CSMD2: variants seen among roughly 807,000 people sequenced by gnomAD.
CSMD2 encodes CUB and sushi domain-containing protein 2.
A neutral mutation model predicts 398.5 loss-of-function variants in CSMD2; 130 were observed. The ratio of observed to expected loss-of-function variants is 0.33; its 90% CI spans 0.28 to 0.38. CSMD2 has a LOEUF of 0.38. CSMD2 is among the 10% of genes least tolerant of loss of function. CSMD2 has a pLI of 1.00. For synonymous variants in CSMD2, 1,828 were observed against 1,908.5 expected (o/e 0.96, Z 1.10); for missense variants, 3,829 against 4,764.9 (o/e 0.80, Z 5.78).
At chr1:33,541,004 A>T in intron 59 of CSMD2, 126 bp downstream of exon 59, 1 of 990,202 alleles carries the variant, frequency 1.0e-6, no homozygotes, top group East Asian at 2.4e-5. Context: ...CTCACCTTGC[A>T]CATCCCCTGA....
At position 33,656,616 on chromosome 1, in the gene CSMD2, G is replaced by A. The variant is rs1643954473; in HGVS notation, c.4447+1330C>T. Among the ~76,000 whole-genome samples, 14 of 152,330 alleles carry A rather than the reference G, an allele frequency of 9.2e-5. No individual in the cohort carries two copies. In the South Asian group the frequency reaches 2.9e-3, roughly 32 times the overall value. ...CAGGCCAGGGCAGACGCTCCTGCAG[G>A]AGCTGTCTCAGGAAGCCCCTTACAC... On this transcript the variant is annotated intron_variant, in intron 27 of 70. Transcript: ENST00000373381.
At chr1:33,695,854 A>T (rs746459007) in intron 24 of CSMD2, among the ~76,000 whole-genome samples, 117 of 152,208 alleles carry the variant, frequency 7.7e-4, no homozygotes, top group Admixed American at 3.1e-3. Context: ...CTGAATAAAC[A>T]TCCTCGCTGT....
chr1:34,165,248 G>C, upstream of CSMD2: 1 of 1,181,466 alleles, frequency 8.5e-7, no homozygotes, highest in Non-Finnish European at 1.0e-6. Flanking sequence ...GTGTCCGCCC[G>C]GCCGGGGAGA....
At chr1:34,052,959 G>A (rs1346632594) in intron 2 of CSMD2, among the ~76,000 whole-genome samples, 1 of 152,124 alleles carries the variant, frequency 6.6e-6, no homozygotes, top group Non-Finnish European at 1.5e-5. Context: ...GAAACTGGGG[G>A]ACAAAGAGCA....
chr1:33,572,758 C>T, intron 49 of CSMD2, 67 bp from the exon 50 acceptor site: 10 of 1,315,754 alleles, frequency 7.6e-6, no homozygotes, highest in Non-Finnish European at 1.0e-5. Context: ...CTATTTTTAT[C>T]CTTCCTCCCC....
intron 1 of CSMD2, among the ~76,000 whole-genome samples, chr1:34,115,948 A>G (rs12070745): frequency 1.3e-5 from 2 of 152,038 alleles, no homozygotes; most frequent in Non-Finnish European, 2.9e-5. Context: ...AAATAACTAT[A>G]GAAGATGCAC....
chr1:33,869,699 C>G (rs1640308475), intron 5 of CSMD2, among the ~76,000 whole-genome samples: 2 of 152,192 alleles, frequency 1.3e-5, no homozygotes, highest in Admixed American at 6.5e-5. Context: ...CTTGTAGCCC[C>G]TCATTCACTC....
At chr1:33,988,521 T>C (rs1646437309) in intron 3 of CSMD2, among the ~76,000 whole-genome samples, 1 of 152,236 alleles carries the variant, frequency 6.6e-6, no homozygotes, top group Non-Finnish European at 1.5e-5. Context: ...TGCCACTCTC[T>C]GTTTCCTAAC....
chr1:33,912,814 T>G (rs1175220406), intron 5 of CSMD2, among the ~76,000 whole-genome samples: 3 of 152,090 alleles, frequency 2.0e-5, no homozygotes, highest in Non-Finnish European at 4.4e-5. Context: ...CTTTTCTTTT[T>G]CTTTTTGCTT....
At chr1:34,039,360 G>A (rs572032603) in intron 2 of CSMD2, among the ~76,000 whole-genome samples, 39 of 152,172 alleles carry the variant, frequency 2.6e-4, no homozygotes, top group Non-Finnish European at 5.0e-4. Context: ...CCGCAGCCAC[G>A]GTCTCTGAGC....
intron 5 of CSMD2, among the ~76,000 whole-genome samples, chr1:33,904,087 A>T (rs1018957719): frequency 3.3e-5 from 5 of 152,168 alleles, no homozygotes; most frequent in Non-Finnish European, 7.3e-5. Context: ...GTCTTGTAGG[A>T]TTTTATTCTA....
chr1:34,089,739 T>C (rs186128288), intron 1 of CSMD2, among the ~76,000 whole-genome samples: 2 of 151,982 alleles, frequency 1.3e-5, no homozygotes, highest in Non-Finnish European at 2.9e-5. Flanking sequence ...TTGCCAAGAG[T>C]CTCGACTCTT....
intron 20 of CSMD2, 70 bp from the exon 21 acceptor site, chr1:33,714,845 C>T: frequency 6.6e-7 from 1 of 1,504,360 alleles, no homozygotes. Context: ...GATGGGAACG[C>T]ACAGGCAAAA....
intron 55 of CSMD2, among the ~76,000 whole-genome samples, chr1:33,556,425 A>G (rs538208752): frequency 6.6e-6 from 1 of 152,334 alleles, no homozygotes; most frequent in African/African-American, 2.4e-5. Context: ...GAGGGCCTAC[A>G]AAATGTATAT....
intron 3 of CSMD2, among the ~76,000 whole-genome samples, chr1:33,959,791 G>A (rs1431773335): frequency 6.6e-6 from 1 of 152,052 alleles, no homozygotes; most frequent in Non-Finnish European, 1.5e-5. Flanking sequence ...ATGTAATGCA[G>A]CTCACCACTC....
chr1:34,139,917 AG>A (rs1293752224), intron 1 of CSMD2, among the ~76,000 whole-genome samples: 1 of 152,200 alleles, frequency 6.6e-6, no homozygotes, highest in African/African-American at 2.4e-5. Flanking sequence ...GGGAAGGAAC[AG>A]GCAAAGGCAA....
chr1:33,592,777 G>A (rs528629859), intron 44 of CSMD2, among the ~76,000 whole-genome samples: 80 of 152,116 alleles, frequency 5.3e-4, no homozygotes, highest in African/African-American at 1.8e-3. Flanking sequence ...GTGAAACCCC[G>A]TCTCTACTGA....
intron 1 of CSMD2, among the ~76,000 whole-genome samples, chr1:34,112,432 C>A (rs1661187996): frequency 6.6e-6 from 1 of 152,220 alleles, no homozygotes; most frequent in Non-Finnish European, 1.5e-5. Flanking sequence ...ACAGCTCTAT[C>A]TATAGGCACT....
chr1:33,663,155 C>A, intron 25 of CSMD2, 63 bp from the exon 26 acceptor site: 1 of 1,428,814 alleles, frequency 7.0e-7, no homozygotes. Context: ...GGCTTCTGGT[C>A]AGAAGGTCCT....
Sources: allele counts gnomAD v4.1 joint callset (sites outside exome capture counted in the v4.1 genomes callset), GRCh38; gene constraint gnomAD v4.1.1; transcripts MANE v1.5; gene names NCBI Gene and HGNC (gene_info 2026-07-23, HGNC 2026-07-21).